ZFHX3: variants seen among roughly 807,000 people sequenced by gnomAD.
ZFHX3 encodes the protein zinc finger homeobox 3, also known as zinc finger homeobox protein 3.
A neutral mutation model predicts 279.1 loss-of-function variants in ZFHX3; 42 were observed. The observed-to-expected ratio is 0.15, with a 90% CI of 0.12 to 0.19. ZFHX3 has a LOEUF of 0.19. ZFHX3 is among the 10% of genes least tolerant of loss of function. The pLI is 1.00. For synonymous variants in ZFHX3, 2,293 were observed against 1,957.8 expected, an observed-to-expected ratio of 1.17 and a Z score of -4.52; for missense variants, 4,981 against 4,754.0, an observed-to-expected ratio of 1.05 and a Z score of -1.40.
chr16:73,207,868 G>A (rs370140432), intron 5 of ZFHX3, among the ~76,000 whole-genome samples: 4 of 152,078 alleles, frequency 2.6e-5, no homozygotes, highest in South Asian at 2.1e-4. Flanking sequence ...TGTAAATTGC[G>A]CCAACGTTTT....
At chr16:73,742,427 G>A (rs562670101) in intron 1 of ZFHX3, among the ~76,000 whole-genome samples, 3 of 152,184 alleles carry the variant, frequency 2.0e-5, no homozygotes, top group Admixed American at 2.0e-4. Flanking sequence ...CATCCAAAAT[G>A]GCCAAGACTT....
At chr16:73,181,228 G>A (rs977389112) in intron 5 of ZFHX3, among the ~76,000 whole-genome samples, 1 of 152,084 alleles carries the variant, frequency 6.6e-6, no homozygotes, top group Non-Finnish European at 1.5e-5. Context: ...AGCCTCCTGA[G>A]TAGCTGGGAT....
intron 3 of ZFHX3, among the ~76,000 whole-genome samples, chr16:72,919,744 C>T (rs965761813): frequency 3.0e-5 from 4 of 134,128 alleles, no homozygotes; most frequent in Non-Finnish European, 6.1e-5. Context: ...TGAGAGAGGC[C>T]GTCTTTCCAA....
intron 3 of ZFHX3, among the ~76,000 whole-genome samples, chr16:72,921,947 G>A (rs529263270): frequency 5.1e-4 from 78 of 152,306 alleles, no homozygotes; most frequent in African/African-American, 1.7e-3. Context: ...AGCCGGGTGC[G>A]GAGGCACCAG....
chr16:72,971,786 T>C (rs186402635), intron 1 of ZFHX3, among the ~76,000 whole-genome samples: 1 of 152,124 alleles, frequency 6.6e-6, no homozygotes, highest in East Asian at 1.9e-4. Flanking sequence ...AGAAATGGCA[T>C]CTCATTTTAA....
intron 1 of ZFHX3, among the ~76,000 whole-genome samples, chr16:73,731,403 A>T (rs1459972204): frequency 1.3e-5 from 2 of 152,138 alleles, no homozygotes; most frequent in Non-Finnish European, 2.9e-5. Context: ...TGGAGGTAGG[A>T]CAGAAAAATC....
At chr16:73,775,468 C>A (rs1959223453) in intron 1 of ZFHX3, among the ~76,000 whole-genome samples, 1 of 152,146 alleles carries the variant, frequency 6.6e-6, no homozygotes, top group Admixed American at 6.5e-5. Context: ...AATTCTTACC[C>A]TAGGGCCCCA....
intron 3 of ZFHX3, among the ~76,000 whole-genome samples, chr16:73,432,766 G>A (rs1002879903): frequency 5.2e-5 from 7 of 135,718 alleles, no homozygotes; most frequent in Non-Finnish European, 9.9e-5. Context: ...TCTTAGAATC[G>A]CTCTGTGTGT....
intron 1 of ZFHX3, among the ~76,000 whole-genome samples, chr16:73,012,878 A>C (rs1352802716): frequency 4.6e-5 from 7 of 152,332 alleles, no homozygotes; most frequent in African/African-American, 1.4e-4. Flanking sequence ...GTTCAAATAC[A>C]TAGTATCAGA....
At chr16:73,747,052 A>G (rs998489385) in intron 1 of ZFHX3, among the ~76,000 whole-genome samples, 1 of 152,220 alleles carries the variant, frequency 6.6e-6, no homozygotes, top group Non-Finnish European at 1.5e-5. Context: ...GTCCAAGTAG[A>G]TCTGCTCTGC....
rs2035771571 is a variant in ZFHX3, at chr16:72,793,193, A to G, written c.9427+62T>C. 4.6e-6 allele frequency: 7 copies of G among 1,538,304 alleles called. No homozygotes were observed. The highest frequency in any genetic ancestry group is 2.1e-5 in the Admixed American group (1 of 48,780). On this transcript the variant is annotated intron_variant, in intron 9 of 9. Transcript: ENST00000268489. The surrounding 1 kb of genome is among the most constrained non-coding windows in gnomAD (Gnocchi z 4.3). ...CTCAGAGGGTTTGGGTGGTATCCACATAACAGAATGCTGACTGGGCAGCTA... is the reference window on the plus strand; with the variant it reads ...CTCAGAGGGTTTGGGTGGTATCCACGTAACAGAATGCTGACTGGGCAGCTA...
chr16:73,051,988 C>T (rs754478147), upstream of ZFHX3, among the ~76,000 whole-genome samples: 1 of 152,138 alleles, frequency 6.6e-6, no homozygotes, highest in African/African-American at 2.4e-5. Flanking sequence ...TGGGTCCATA[C>T]ATTACAGGAG....
intron 2 of ZFHX3, among the ~76,000 whole-genome samples, chr16:73,663,378 G>C (rs758686960): frequency 1.6e-4 from 24 of 152,094 alleles, no homozygotes; most frequent in Non-Finnish European, 2.8e-4. Context: ...TTCATCCAAG[G>C]GCACCTTGAC....
At chr16:73,031,578 C>T (rs917286979) in intron 1 of ZFHX3, among the ~76,000 whole-genome samples, 2 of 152,194 alleles carry the variant, frequency 1.3e-5, no homozygotes, top group African/African-American at 4.8e-5. Flanking sequence ...ATCGAGTAAA[C>T]AGTACTTAAG....
chr16:73,282,121 G>A (rs2014472516), intron 4 of ZFHX3, among the ~76,000 whole-genome samples: 2 of 152,198 alleles, frequency 1.3e-5, no homozygotes, highest in Admixed American at 1.3e-4. Flanking sequence ...TGTTTGCAAA[G>A]TTAACACAGT....
At chr16:73,465,524 G>A (rs1009949841) in intron 2 of ZFHX3, among the ~76,000 whole-genome samples, 6 of 148,408 alleles carry the variant, frequency 4.0e-5, no homozygotes, top group Admixed American at 6.6e-5. Flanking sequence ...CTCCTTCTCC[G>A]GTTCCCCATC....
intron 1 of ZFHX3, among the ~76,000 whole-genome samples, chr16:73,721,029 T>G (rs2053468683): frequency 6.6e-6 from 1 of 152,242 alleles, no homozygotes; most frequent in Non-Finnish European, 1.5e-5. Context: ...TTTTAAAACT[T>G]GAATTTGAAT....
intron 2 of ZFHX3, among the ~76,000 whole-genome samples, chr16:73,611,302 C>T (rs578132399): frequency 1.9e-4 from 29 of 152,232 alleles, no homozygotes; most frequent in Admixed American, 5.2e-4. Context: ...AAGGGGGTCA[C>T]TGACTCCTGA....
chr16:72,863,872 T>C (rs530134466), intron 4 of ZFHX3, among the ~76,000 whole-genome samples: 120 of 152,294 alleles, frequency 7.9e-4, no homozygotes, highest in African/African-American at 2.8e-3. Context: ...CCTTCTGCAC[T>C]TTGGGAGGCC....
Sources: allele counts gnomAD v4.1 joint callset (sites outside exome capture counted in the v4.1 genomes callset), GRCh38; gene constraint gnomAD v4.1.1; non-coding constraint Gnocchi (gnomAD v3.1); transcripts MANE v1.5; gene names NCBI Gene and HGNC (gene_info 2026-07-23, HGNC 2026-07-21).